Variants in CSMD3 observed in about 807,000 individuals in gnomAD.
The protein encoded by CSMD3 is CUB and Sushi multiple domains 3.
In CSMD3, 177 loss-of-function variants were observed where a neutral mutation model predicts 435.2. The ratio of observed to expected loss-of-function variants is 0.41; its 90% CI spans 0.36 to 0.46. The LOEUF is 0.46. Ranked by LOEUF, CSMD3 falls within the 20% of genes least tolerant of loss-of-function variation. The probability of loss-of-function intolerance (pLI) is 0.34; values close to 1 mark genes in which losing one functional copy is unlikely to be tolerated. For synonymous variants in CSMD3, 1,656 were observed against 1,520.5 expected, an observed-to-expected ratio of 1.09 and a Z score of -2.07; for missense variants, 4,265 against 4,504.6, an observed-to-expected ratio of 0.95 and a Z score of 1.52.
chr8:112,602,118 A>T (rs1563756050), intron 22 of CSMD3, among the ~76,000 whole-genome samples: 1 of 152,188 alleles, frequency 6.6e-6, no homozygotes, highest in Non-Finnish European at 1.5e-5. Flanking sequence ...AAACATTCTT[A>T]AATATTAGGA....
chr8:113,392,689 A>G (rs981310160), intron 1 of CSMD3, among the ~76,000 whole-genome samples: 1 of 152,112 alleles, frequency 6.6e-6, no homozygotes, highest in African/African-American at 2.4e-5. Context: ...CATTAATTCA[A>G]TCTTATCACT....
Position 113,354,562 on chromosome 8 carries a change from T to A in CSMD3, c.179-39769A>T, listed in dbSNP as rs114846928. On this transcript the variant is annotated intron_variant, in intron 1 of 70. Transcript: ENST00000297405. ...TGAATGTTCTAAGAAACATTTCAAT[T>A]GGGGAGCTATTCAGCAATGTCAAAT... Among the ~76,000 whole-genome samples, 1,467 of 152,318 alleles carry A rather than the reference T, an allele frequency of 9.6e-3. 22 individuals carry two copies. The highest frequency in any genetic ancestry group is 0.031 in the African/African-American group (1,294 of 41,576).
Position 112,247,067 on chromosome 8 carries a change from G to A in CSMD3, c.10175C>T (p.Thr3392Ile), listed in dbSNP as rs1449954819. Reference sequence around the variant, plus strand: ...ACTCCACGTAAGATCAGGGAGGCAGGTGCGTGTTGTAGACCCTTGGAGAAG... The same window carrying A: ...ACTCCACGTAAGATCAGGGAGGCAGATGCGTGTTGTAGACCCTTGGAGAAG... The part of the protein sequence containing the change: ...GHLLQGSTTR[T>I]CLPDLTWSGI... The change falls in exon 64 of 71, where the codon ACC (threonine) becomes ATC (isoleucine). Residue 3392 changes from threonine to isoleucine, a missense_variant. By Grantham distance (89) the Thr-to-Ile change is moderately conservative. Transcript: ENST00000297405. 1 of 1,613,862 alleles carries A rather than the reference G, an allele frequency of 6.2e-7. No individual in the cohort carries two copies. The highest frequency in any genetic ancestry group is 1.1e-5 in the South Asian group (1 of 91,084).
At chr8:112,367,505 G>A (rs572760921) in intron 38 of CSMD3, among the ~76,000 whole-genome samples, 20 of 152,230 alleles carry the variant, frequency 1.3e-4, no homozygotes, top group African/African-American at 3.8e-4. Flanking sequence ...CAGAAGACCA[G>A]AAACCTGAGA....
At chr8:113,073,351 G>A (rs753440784) in intron 5 of CSMD3, among the ~76,000 whole-genome samples, 9 of 151,620 alleles carry the variant, frequency 5.9e-5, no homozygotes, top group Non-Finnish European at 8.9e-5. Flanking sequence ...TATGGAGTTC[G>A]TAAATTCTTT....
intron 1 of CSMD3, among the ~76,000 whole-genome samples, chr8:113,327,805 T>C (rs963993506): frequency 1.3e-5 from 2 of 151,800 alleles, no homozygotes; most frequent in Non-Finnish European, 2.9e-5. Context: ...TGTTTAACAT[T>C]GCAACTGCCT....
chr8:113,162,364 G>A (rs1247589755), intron 4 of CSMD3, among the ~76,000 whole-genome samples: 1 of 151,696 alleles, frequency 6.6e-6, no homozygotes, highest in East Asian at 2.0e-4. Context: ...TTGGGAGTTC[G>A]AGACCAGCCT....
At chr8:113,072,366 A>G (rs1301879849) in intron 5 of CSMD3, among the ~76,000 whole-genome samples, 2 of 151,892 alleles carry the variant, frequency 1.3e-5, no homozygotes, top group Admixed American at 1.3e-4. Flanking sequence ...TCCTTGTATA[A>G]GATCTTAGAG....
chr8:112,928,478 C>T (rs190722299), intron 9 of CSMD3, among the ~76,000 whole-genome samples: 2 of 152,222 alleles, frequency 1.3e-5, no homozygotes, highest in East Asian at 3.9e-4. Context: ...TGATGTTCCC[C>T]TTCCTGTGTC....
intron 12 of CSMD3, among the ~76,000 whole-genome samples, chr8:112,816,533 T>C (rs2079380407): frequency 6.6e-6 from 1 of 152,096 alleles, no homozygotes; most frequent in Admixed American, 6.6e-5. Flanking sequence ...TTGTCGGTAT[T>C]TGTTGAAGTC....
At chr8:113,110,550 G>A (rs1049557528) in intron 4 of CSMD3, among the ~76,000 whole-genome samples, 1 of 152,026 alleles carries the variant, frequency 6.6e-6, no homozygotes, top group Admixed American at 6.6e-5. Context: ...CATCAGAATC[G>A]CTTTTACCAT....
chr8:112,381,197 A>T (rs1829436073), intron 37 of CSMD3, among the ~76,000 whole-genome samples: 1 of 152,148 alleles, frequency 6.6e-6, no homozygotes, highest in Non-Finnish European at 1.5e-5. Flanking sequence ...AAGTGCCTCA[A>T]TGTTTCTTAT....
At chr8:112,449,704 G>A (rs1314459132) in intron 32 of CSMD3, among the ~76,000 whole-genome samples, 5 of 152,108 alleles carry the variant, frequency 3.3e-5, no homozygotes, top group African/African-American at 4.8e-5. Flanking sequence ...ATAGTGCTCG[G>A]TCATCATTGT....
At chr8:112,910,582 T>G (rs2082382907) in intron 10 of CSMD3, among the ~76,000 whole-genome samples, 1 of 151,800 alleles carries the variant, frequency 6.6e-6, no homozygotes, top group African/African-American at 2.4e-5. Flanking sequence ...ATTCTTAACC[T>G]CCTAGGACTG....
chr8:112,970,349 T>A (rs1476963093), intron 7 of CSMD3, among the ~76,000 whole-genome samples: 1 of 135,752 alleles, frequency 7.4e-6, no homozygotes. Context: ...TGAGCCGAGA[T>A]CATGCCACTG....
intron 10 of CSMD3, among the ~76,000 whole-genome samples, chr8:112,877,831 T>C (rs190444652): frequency 2.4e-4 from 36 of 152,236 alleles, no homozygotes; most frequent in African/African-American, 7.0e-4. Context: ...GATTCCTTAT[T>C]TAATAAATGG....
intron 11 of CSMD3, among the ~76,000 whole-genome samples, chr8:112,841,532 T>A (rs569464264): frequency 6.6e-6 from 1 of 151,972 alleles, no homozygotes; most frequent in African/African-American, 2.4e-5. Context: ...TTATTGTCTA[T>A]TTAAAGTGCT....
intron 35 of CSMD3, among the ~76,000 whole-genome samples, chr8:112,394,958 G>C (rs953999899): frequency 6.6e-6 from 1 of 152,064 alleles, no homozygotes; most frequent in East Asian, 1.9e-4. Flanking sequence ...TACATATCTT[G>C]TGCTTTCAAA....
intron 10 of CSMD3, among the ~76,000 whole-genome samples, chr8:112,899,599 T>TA (rs2082046300): frequency 2.0e-5 from 2 of 100,026 alleles, no homozygotes; most frequent in Non-Finnish European, 4.0e-5. Flanking sequence ...CTTGTCTATT[T>TA]TATATATATA....
Sources: gnomAD v4.1 joint callset for allele counts (sites outside exome capture counted in the v4.1 genomes callset) on GRCh38, gnomAD v4.1.1 for gene constraint, MANE v1.5 for transcripts, NCBI Gene and HGNC (gene_info 2026-07-23, HGNC 2026-07-21) for gene names.